The following PRKN variants were observed in gnomAD, a reference collection of about 807,000 sequenced individuals.
The protein encoded by PRKN is parkin RBR E3 ubiquitin protein ligase.
PRKN carries 56 observed loss-of-function variants against 59.5 expected under a neutral mutation model. That is an observed-to-expected ratio of 0.94 (90% CI 0.76 to 1.18). PRKN has a LOEUF of 1.18. Among genes scored for constraint, PRKN ranks in the 50% most tolerant of loss-of-function variants. The probability of loss-of-function intolerance (pLI) is 0.00; values close to 1 mark genes in which losing one functional copy is unlikely to be tolerated. For missense variants in PRKN, 657 were observed against 596.4 expected (o/e 1.10, Z -1.06); for synonymous variants, 250 against 222.1 (o/e 1.13, Z -1.12).
At chr6:162,103,042 C>CAAA (rs1163020488) in intron 4 of PRKN, among the ~76,000 whole-genome samples, 2,280 of 54,186 alleles carry the variant, frequency 0.042, 85 homozygotes, top group African/African-American at 0.14. Flanking sequence ...GACTCTGTCT[C>CAAA]AAAAAAAAAA....
intron 7 of PRKN, among the ~76,000 whole-genome samples, chr6:161,735,231 T>C (rs990143304): frequency 2.6e-5 from 4 of 152,064 alleles, no homozygotes; most frequent in African/African-American, 9.7e-5. Context: ...CCCCCTCATG[T>C]GGATTTTCTT....
At chr6:161,524,013 AT>A (rs77742735) in intron 9 of PRKN, among the ~76,000 whole-genome samples, 1 of 152,354 alleles carries the variant, frequency 6.6e-6, no homozygotes. Context: ...AATTAAAAAA[AT>A]TTTTTTTCCT....
intron 6 of PRKN, among the ~76,000 whole-genome samples, chr6:161,915,132 A>G (rs1389274767): frequency 6.6e-6 from 1 of 152,048 alleles, no homozygotes; most frequent in Non-Finnish European, 1.5e-5. Context: ...TAAAAATACA[A>G]AAAATTAGCT....
chr6:162,482,520 C>T (rs534275568), intron 1 of PRKN, among the ~76,000 whole-genome samples: 8 of 152,032 alleles, frequency 5.3e-5, no homozygotes, highest in Non-Finnish European at 8.8e-5. Context: ...GGTTAAGCTA[C>T]GTAAACAAAC....
At chr6:162,510,561 T>A (rs911794105) in intron 1 of PRKN, among the ~76,000 whole-genome samples, 1 of 152,130 alleles carries the variant, frequency 6.6e-6, no homozygotes, top group African/African-American at 2.4e-5. Flanking sequence ...CAGGGCCTAT[T>A]TATAATAGAA....
At chr6:162,444,337 TACAGAGCTATGTC>T (rs1407662348) in intron 1 of PRKN, among the ~76,000 whole-genome samples, 1 of 152,142 alleles carries the variant, frequency 6.6e-6, no homozygotes, top group East Asian at 1.9e-4. Flanking sequence ...GCCTTATTAA[TACAGAGCTATGTC>T]ACACCACTCA....
chr6:162,204,756 C>T (rs1253490689), intron 3 of PRKN, among the ~76,000 whole-genome samples: 5 of 149,338 alleles, frequency 3.3e-5, no homozygotes, highest in African/African-American at 1.2e-4. Context: ...GAAAAGTGTA[C>T]TGAGTTCAGG....
rs146399302 is a variant in PRKN at position 161,442,759 on chromosome 6, C to A, written c.1084-55882G>T. Reference sequence around the variant, plus strand: ...AGTTGCTAGAATGCAGCCGTGGAGACGAACAGCTTACCGAGAGCCTCTGCC... The same window carrying A: ...AGTTGCTAGAATGCAGCCGTGGAGAAGAACAGCTTACCGAGAGCCTCTGCC... On this transcript the variant is annotated intron_variant, in intron 9 of 11. Transcript: ENST00000366898. The surrounding 1 kb of genome is among the most constrained non-coding windows in gnomAD (Gnocchi z 4.6). Among the ~76,000 whole-genome samples, 22 of 152,362 alleles carry A rather than the reference C, an allele frequency of 1.4e-4. No individual in the cohort carries two copies. The South Asian group carries it at 4.4e-3, about 30-fold the overall frequency.
rs1777697217 is a variant in PRKN at position 162,513,014 on chromosome 6, T to C, written c.8-69541A>G. On this transcript the variant is annotated intron_variant, in intron 1 of 11. Coordinates refer to ENST00000366898, the MANE Select transcript of PRKN (RefSeq NM_004562.3). The stretch of plus-strand genomic sequence containing the variant: ...TAAACTTTTAAATATGTTTCTCATA[T>C]AGAGCACAGTAGCACTGACATGGGC... Among the ~76,000 whole-genome samples, 3 of 152,176 alleles carry C rather than the reference T, an allele frequency of 2.0e-5. No homozygotes were observed. The South Asian group carries it at 6.2e-4, about 31-fold the overall frequency.
chr6:161,842,023 C>G (rs757540840), intron 6 of PRKN, among the ~76,000 whole-genome samples: 2 of 152,202 alleles, frequency 1.3e-5, no homozygotes, highest in South Asian at 4.2e-4. Context: ...TAACAAGTGC[C>G]AGGAATAATT....
At chr6:161,677,435 C>T (rs183145277) in intron 7 of PRKN, among the ~76,000 whole-genome samples, 12 of 152,308 alleles carry the variant, frequency 7.9e-5, no homozygotes, top group Non-Finnish European at 1.2e-4. Flanking sequence ...AACTGAGTGT[C>T]GGCTTCTCCG....
intron 10 of PRKN, among the ~76,000 whole-genome samples, chr6:161,383,279 T>G (rs1036369073): frequency 3.3e-5 from 5 of 152,234 alleles, no homozygotes; most frequent in African/African-American, 1.2e-4. Context: ...TCATGAAATT[T>G]GAAGAAATAG....
intron 7 of PRKN, among the ~76,000 whole-genome samples, chr6:161,671,245 G>C (rs568695233): frequency 6.6e-6 from 1 of 152,256 alleles, no homozygotes; most frequent in East Asian, 1.9e-4. Flanking sequence ...ATAGGCAGCA[G>C]TGCACCTCCT....
At chr6:162,385,449 G>A (rs976150463) in intron 2 of PRKN, among the ~76,000 whole-genome samples, 1 of 152,044 alleles carries the variant, frequency 6.6e-6, no homozygotes, top group Non-Finnish European at 1.5e-5. Context: ...TATCATTAAC[G>A]GCTTGTAGAG....
chr6:162,457,271 TA>T (rs1477481939), intron 1 of PRKN, among the ~76,000 whole-genome samples: 2 of 152,106 alleles, frequency 1.3e-5, no homozygotes, highest in Non-Finnish European at 2.9e-5. Context: ...AAAAAGTTTG[TA>T]AAAAAGAAAC....
intron 1 of PRKN, among the ~76,000 whole-genome samples, chr6:162,465,556 C>T (rs73783599): frequency 0.099 from 15,104 of 152,120 alleles, 894 homozygotes; most frequent in Non-Finnish European, 0.13. Flanking sequence ...TCTAGCTGTT[C>T]CAAAGACATC....
chr6:162,528,068 C>CGGGGG (rs1292578701), intron 1 of PRKN, among the ~76,000 whole-genome samples: 2 of 82,914 alleles, frequency 2.4e-5, no homozygotes, highest in African/African-American at 1.6e-4. Flanking sequence ...CGGGGGAGGG[C>CGGGGG]GGGGGGGCGG....
rs1418292995 is a variant in PRKN at position 162,396,975 on chromosome 6, C to T, written c.171+46335G>A. Among the ~76,000 whole-genome samples, 3 of 152,110 alleles carry T rather than the reference C, an allele frequency of 2.0e-5. No individual in the cohort carries two copies. The East Asian group carries it at 5.8e-4, about 29-fold the overall frequency. ...AGGCATAGGGTTTGACTAGGGTGGG[C>T]CTATCCACCTGTTTAGTTCCCATGG... On this transcript the variant is annotated intron_variant, in intron 2 of 11. Coordinates refer to ENST00000366898, the MANE Select transcript of PRKN (RefSeq NM_004562.3).
At chr6:161,957,869 C>G (rs899862668) in intron 6 of PRKN, among the ~76,000 whole-genome samples, 1 of 152,140 alleles carries the variant, frequency 6.6e-6, no homozygotes, top group Middle Eastern at 3.2e-3. Context: ...GAAGTCCTCC[C>G]GTGCAGGTCA....
Sources: gnomAD v4.1 joint callset for allele counts (sites outside exome capture counted in the v4.1 genomes callset) on GRCh38, gnomAD v4.1.1 for gene constraint, Gnocchi (gnomAD v3.1) non-coding constraint, MANE v1.5 for transcripts, NCBI Gene and HGNC (gene_info 2026-07-23, HGNC 2026-07-21) for gene names.